Variants in BNC2 observed in about 807,000 individuals in gnomAD.
The protein encoded by BNC2 is zinc finger protein basonuclin-2.
Under a neutral mutation model 76.3 loss-of-function variants are expected in BNC2, and 20 were observed. The ratio of observed to expected loss-of-function variants is 0.26; its 90% CI spans 0.18 to 0.38. The LOEUF is 0.38. BNC2 is among the 10% of genes least tolerant of loss of function. BNC2 has a pLI of 1.00. For synonymous variants in BNC2, 582 were observed against 514.8 expected (o/e 1.13, Z -1.77); for missense variants, 1,382 against 1,399.8 (o/e 0.99, Z 0.20).
chr9:16,654,997 T>C (rs1821888116), intron 3 of BNC2, among the ~76,000 whole-genome samples: 1 of 152,092 alleles, frequency 6.6e-6, no homozygotes, highest in Non-Finnish European at 1.5e-5. Flanking sequence ...TTCAGCCATG[T>C]ACTTCAGAAA....
At chr9:16,837,939 C>A (rs1818744467) in intron 1 of BNC2, among the ~76,000 whole-genome samples, 1 of 150,608 alleles carries the variant, frequency 6.6e-6, no homozygotes, top group African/African-American at 2.4e-5. Flanking sequence ...AAAAAAAAAA[C>A]AAAGGGTTTC....
At chr9:16,742,288 A>T (rs1162817048) in intron 1 of BNC2, among the ~76,000 whole-genome samples, 1 of 152,252 alleles carries the variant, frequency 6.6e-6, no homozygotes, top group East Asian at 1.9e-4. Context: ...ATTTCACTTC[A>T]TTAATAAACA....
intron 3 of BNC2, among the ~76,000 whole-genome samples, chr9:16,601,373 G>T (rs969125975): frequency 2.6e-5 from 4 of 152,146 alleles, no homozygotes; most frequent in Admixed American, 6.5e-5. Flanking sequence ...TACCAGAAGA[G>T]GCAGGGAACT....
intron 5 of BNC2, among the ~76,000 whole-genome samples, chr9:16,514,711 G>C (rs1056872358): frequency 6.6e-6 from 1 of 152,064 alleles, no homozygotes; most frequent in Non-Finnish European, 1.5e-5. Context: ...TTTCTTCTAA[G>C]GAGTCTTAAT....
At chr9:16,566,580 G>A (rs1439110077) in intron 4 of BNC2, among the ~76,000 whole-genome samples, 2 of 151,976 alleles carry the variant, frequency 1.3e-5, no homozygotes, top group Non-Finnish European at 2.9e-5. Flanking sequence ...AGAAAAACAG[G>A]ATAGAAGTCT....
In BNC2 at chr9:16,780,250, A is replaced by AC. The variant is rs1554729481; in HGVS notation, c.4-41766_4-41765insG. 9.6e-5 allele frequency among the ~76,000 whole-genome samples: 12 copies of AC among 124,494 alleles called. No homozygotes were observed. In the East Asian group the frequency reaches 1.1e-3, roughly 11 times the overall value. 81.7% of individuals were successfully genotyped at this position (124,494 alleles called of 152,430 possible). On this transcript the variant is annotated intron_variant, in intron 1 of 6. Transcript: ENST00000380672. ...GACTTCGTTTCAAAAAAAAAAAAAA[A>AC]AAAAAACAAAAAAAAACTACTGAAA...
At chr9:16,738,043 G>C in intron 2 of BNC2, among the ~76,000 whole-genome samples, 1 of 152,158 alleles carries the variant, frequency 6.6e-6, no homozygotes, top group East Asian at 1.9e-4. Flanking sequence ...CAATAAACTA[G>C]CCCTAGAACA....
At chr9:16,708,695 A>C (rs1304558379) in intron 3 of BNC2, among the ~76,000 whole-genome samples, 1 of 152,164 alleles carries the variant, frequency 6.6e-6, no homozygotes, top group Non-Finnish European at 1.5e-5. Flanking sequence ...AGCAAAATGG[A>C]AAAAAGCAGA....
chr9:16,764,033 C>A, intron 1 of BNC2, among the ~76,000 whole-genome samples: 1 of 152,106 alleles, frequency 6.6e-6, no homozygotes, highest in East Asian at 1.9e-4. Context: ...AAGTATGTGA[C>A]GAGAATTAAA....
At chr9:16,492,013 C>T (rs10756754) in intron 5 of BNC2, among the ~76,000 whole-genome samples, 23,998 of 152,088 alleles carry the variant, frequency 0.16, 2,027 homozygotes, top group East Asian at 0.31. Context: ...GTTTCATCTA[C>T]AAATACGATT....
At position 16,662,203 on chromosome 9, in the gene BNC2, C is replaced by T. The variant is rs185142051; in HGVS notation, c.330+65594G>A. Among the ~76,000 whole-genome samples, 11 of 152,272 alleles carry T rather than the reference C, an allele frequency of 7.2e-5. No individual in the cohort carries two copies. In the East Asian group the frequency reaches 2.1e-3, roughly 29 times the overall value. ...TGTACTCAGAATAGATATTCTGGTCCTCTAAATGGTAGATGATGTGATGCT... is the reference window on the plus strand; with the variant it reads ...TGTACTCAGAATAGATATTCTGGTCTTCTAAATGGTAGATGATGTGATGCT... On this transcript the variant is annotated intron_variant, in intron 3 of 6. Coordinates refer to ENST00000380672, the MANE Select transcript of BNC2 (RefSeq NM_017637.6).
At position 16,414,572 on chromosome 9, in the gene BNC2, T is replaced by G. The variant is rs546109862; in HGVS notation, c.*4417A>C. The G allele has an allele frequency of 6.6e-6, 1 of 152,336 alleles. No homozygotes were observed. Among genetic ancestry groups the G allele is most frequent in the East Asian group, 1.9e-4 (1 of 5,188 alleles). 9.4% of individuals were successfully genotyped at this position (152,336 alleles called of 1,614,324 possible). ...GTGTGACCACAGGATGAAAAAAAGT[T>G]TCTTCTGGATGATTTGTTTCTTGAT... On this transcript the variant is annotated 3_prime_UTR_variant, in exon 7 of 7. Transcript: ENST00000380672.
intron 3 of BNC2, among the ~76,000 whole-genome samples, chr9:16,588,570 A>G (rs1563852335): frequency 6.6e-6 from 1 of 152,226 alleles, no homozygotes; most frequent in African/African-American, 2.4e-5. Context: ...AAAACTTACA[A>G]TAAAAATAAT....
In BNC2 at chr9:16,418,824, T is replaced by C; in HGVS notation, c.*165A>G. 1 of 772,208 alleles carries C rather than the reference T, an allele frequency of 1.3e-6. No homozygotes were observed. Among genetic ancestry groups the C allele is most frequent in the Admixed American group, 2.5e-5 (1 of 40,262 alleles). 47.8% of individuals were successfully genotyped at this position (772,208 alleles called of 1,614,324 possible). On this transcript the variant is annotated 3_prime_UTR_variant, in exon 7 of 7. Transcript: ENST00000380672. ...AAGCACCTAGTGTTTATCTTGTTTA[T>C]CTCAAGGAAATACGTGTGTGTATAT...
At chr9:16,441,107 T>C (rs1451093591) in intron 5 of BNC2, among the ~76,000 whole-genome samples, 1 of 152,102 alleles carries the variant, frequency 6.6e-6, no homozygotes, top group Non-Finnish European at 1.5e-5. Context: ...GGAAGATGGC[T>C]TAAGCCCTAG....
intron 5 of BNC2, among the ~76,000 whole-genome samples, chr9:16,547,163 T>G (rs140377905): frequency 1.0e-3 from 159 of 152,354 alleles, no homozygotes; most frequent in African/African-American, 3.7e-3. Context: ...TTACATGAAC[T>G]TGCTCCGCAA....
intron 1 of BNC2, among the ~76,000 whole-genome samples, chr9:16,825,556 G>A (rs1426241329): frequency 6.6e-6 from 1 of 152,048 alleles, no homozygotes; most frequent in Non-Finnish European, 1.5e-5. Context: ...CATGTATGCT[G>A]AATTTCAAAA....
At chr9:16,731,250 T>G (rs1359216776) in intron 2 of BNC2, among the ~76,000 whole-genome samples, 1 of 152,226 alleles carries the variant, frequency 6.6e-6, no homozygotes, top group Non-Finnish European at 1.5e-5. Context: ...AAGACAAGTA[T>G]CACTTCCACA....
chr9:16,695,057 G>C (rs1279530998), intron 3 of BNC2, among the ~76,000 whole-genome samples: 2 of 152,128 alleles, frequency 1.3e-5, no homozygotes, highest in Non-Finnish European at 2.9e-5. Context: ...TATTTTCCTT[G>C]GGAATCTTAT....
Sources: gnomAD v4.1 joint callset for allele counts (sites outside exome capture counted in the v4.1 genomes callset) on GRCh38, gnomAD v4.1.1 for gene constraint, MANE v1.5 for transcripts, NCBI Gene and HGNC (gene_info 2026-07-23, HGNC 2026-07-21) for gene names.